The following CACNB2 variants were observed in gnomAD, a reference collection of about 807,000 sequenced individuals.
CACNB2 encodes the protein calcium voltage-gated channel auxiliary subunit beta 2.
Under a neutral mutation model 73.3 loss-of-function variants are expected in CACNB2, and 42 were observed. The observed-to-expected ratio is 0.57, with a 90% CI of 0.45 to 0.74. The LOEUF (loss-of-function observed/expected upper bound fraction) is 0.74, where lower values mean the gene tolerates loss of function less well. Among genes scored for constraint, CACNB2 ranks in the 30% least tolerant of loss-of-function variants. The pLI is 0.00. For synonymous variants in CACNB2, 348 were observed against 310.3 expected (o/e 1.12, Z -1.28); for missense variants, 940 against 853.0 (o/e 1.10, Z -1.27).
At chr10:18,500,578 G>C (rs896075997) in intron 4 of CACNB2, among the ~76,000 whole-genome samples, 1 of 152,132 alleles carries the variant, frequency 6.6e-6, no homozygotes, top group South Asian at 2.1e-4. Context: ...AATTCAGCCT[G>C]GTCCTACGGC....
intron 2 of CACNB2, among the ~76,000 whole-genome samples, chr10:18,394,315 G>A (rs1328203510): frequency 6.6e-6 from 1 of 152,134 alleles, no homozygotes; most frequent in Non-Finnish European, 1.5e-5. Flanking sequence ...CTAAAGCTTA[G>A]CAAAGACATA....
intron 3 of CACNB2, among the ~76,000 whole-genome samples, chr10:18,467,023 A>C (rs550385372): frequency 6.6e-6 from 1 of 151,998 alleles, no homozygotes; most frequent in Non-Finnish European, 1.5e-5. Context: ...GCATGGTGGC[A>C]GGTGCCTGTA....
At chr10:18,413,883 C>T (rs1233141633) in intron 3 of CACNB2, among the ~76,000 whole-genome samples, 1 of 152,248 alleles carries the variant, frequency 6.6e-6, no homozygotes, top group Non-Finnish European at 1.5e-5. Flanking sequence ...GTGATGGGCA[C>T]AGGCAACTGG....
intron 2 of CACNB2, among the ~76,000 whole-genome samples, chr10:18,248,043 A>C (rs1444077147): frequency 6.6e-6 from 1 of 152,218 alleles, no homozygotes; most frequent in African/African-American, 2.4e-5. Flanking sequence ...GCCTCTCCTA[A>C]TTCCATCACA....
At chr10:18,197,088 G>GC (rs1267911786) in intron 2 of CACNB2, among the ~76,000 whole-genome samples, 1 of 151,352 alleles carries the variant, frequency 6.6e-6, no homozygotes, top group Non-Finnish European at 1.5e-5. Context: ...ATGCCTCTTA[G>GC]CCCCCTGGGC....
intron 3 of CACNB2, among the ~76,000 whole-genome samples, chr10:18,443,032 AT>A (rs2046552074): frequency 7.4e-6 from 1 of 134,694 alleles, no homozygotes; most frequent in African/African-American, 2.7e-5. Context: ...ATATATATAT[AT>A]ATAAATAAGG....
At chr10:18,217,066 C>G (rs1329601713) in intron 2 of CACNB2, among the ~76,000 whole-genome samples, 1 of 152,150 alleles carries the variant, frequency 6.6e-6, no homozygotes, top group Non-Finnish European at 1.5e-5. Flanking sequence ...CACCTCTGCT[C>G]TAGGCAGGCA....
At chr10:18,386,684 G>A (rs906459818) in intron 2 of CACNB2, among the ~76,000 whole-genome samples, 4 of 152,122 alleles carry the variant, frequency 2.6e-5, no homozygotes, top group African/African-American at 9.7e-5. Flanking sequence ...GGGATTACAG[G>A]CGTGAGCCAC....
intron 3 of CACNB2, among the ~76,000 whole-genome samples, chr10:18,437,062 A>T (rs1251432258): frequency 6.6e-6 from 1 of 152,260 alleles, no homozygotes; most frequent in South Asian, 2.1e-4. Flanking sequence ...CATTTGACTT[A>T]AATGTTTAAA....
At chr10:18,149,506 GA>G (rs1011573023) in intron 1 of CACNB2, among the ~76,000 whole-genome samples, 25 of 152,080 alleles carry the variant, frequency 1.6e-4, no homozygotes, top group African/African-American at 5.8e-4. Flanking sequence ...ACATATATAA[GA>G]AAATTTTTTG....
rs372842753 is a variant in CACNB2 at position 18,315,730 on chromosome 10, G to A, written c.214-86194G>A. Among the ~76,000 whole-genome samples, 9 of 151,934 alleles carry A rather than the reference G, an allele frequency of 5.9e-5. No individual in the cohort carries two copies. The East Asian group carries it at 1.6e-3, about 26-fold the overall frequency. ...ACAAAATGAAACTAAAAAGAGTGGT[G>A]TGTTGGTAAATGTTTAATATTCCAC... is the stretch of plus-strand genomic sequence containing the variant. On this transcript the variant is annotated intron_variant, in intron 2 of 13. Coordinates refer to ENST00000324631, the MANE Select transcript of CACNB2 (RefSeq NM_201596.3).
At chr10:18,534,772 A>G (rs2053401334) in intron 11 of CACNB2, among the ~76,000 whole-genome samples, 1 of 152,232 alleles carries the variant, frequency 6.6e-6, no homozygotes, top group South Asian at 2.1e-4. Context: ...CTGTATACCA[A>G]AAAGTAAGGA....
At position 18,462,448 on chromosome 10, in the gene CACNB2, C is replaced by A. The variant is rs562133946; in HGVS notation, c.334-35907C>A. On this transcript the variant is annotated intron_variant, in intron 3 of 13. Coordinates refer to ENST00000324631, the MANE Select transcript of CACNB2 (RefSeq NM_201596.3). ...TTTGTATTTTTTGTAGAGATGGGGTCTTGCTATGTTGCCCAGGCTGGCCTC... is the reference window on the plus strand; with the variant it reads ...TTTGTATTTTTTGTAGAGATGGGGTATTGCTATGTTGCCCAGGCTGGCCTC... Among the ~76,000 whole-genome samples, 5 of 152,208 alleles carry A rather than the reference C, an allele frequency of 3.3e-5. No individual in the cohort carries two copies. In the South Asian group the frequency reaches 1.0e-3, roughly 32 times the overall value.
intron 3 of CACNB2, among the ~76,000 whole-genome samples, chr10:18,472,506 G>A (rs1179827864): frequency 6.6e-6 from 1 of 152,064 alleles, no homozygotes; most frequent in Admixed American, 6.5e-5. Context: ...CAAAGTGCTG[G>A]GATTACAGGC....
intron 2 of CACNB2, among the ~76,000 whole-genome samples, chr10:18,296,838 A>G (rs1381246283): frequency 6.6e-6 from 1 of 152,226 alleles, no homozygotes; most frequent in African/African-American, 2.4e-5. Flanking sequence ...TATAGTGAGA[A>G]AGTATGTGCG....
At chr10:18,462,249 G>A (rs950555492) in intron 3 of CACNB2, among the ~76,000 whole-genome samples, 2 of 152,092 alleles carry the variant, frequency 1.3e-5, no homozygotes, top group South Asian at 2.1e-4. Flanking sequence ...AAATAGGAGC[G>A]CTGGTTGGTT....
rs2041468110 is a variant in CACNB2 at position 18,346,624 on chromosome 10, T to A, written c.214-55300T>A. 2.6e-5 allele frequency among the ~76,000 whole-genome samples: 4 copies of A among 151,982 alleles called. 1 individual carries two copies. In the South Asian group the frequency reaches 8.3e-4, roughly 32 times the overall value. ...GGAGGGGAGCTCGGGGGGCACAGGG[T>A]CTCACTCTGTCGCCCAGGCTGGAGT... On this transcript the variant is annotated intron_variant, in intron 2 of 13. Transcript: ENST00000324631.
At chr10:18,448,982 C>G (rs982551582) in intron 3 of CACNB2, among the ~76,000 whole-genome samples, 16 of 152,318 alleles carry the variant, frequency 1.1e-4, no homozygotes, top group African/African-American at 3.6e-4. Flanking sequence ...CTGAAACCAT[C>G]TAGGAAGGTG....
intron 2 of CACNB2, among the ~76,000 whole-genome samples, chr10:18,368,406 C>G (rs2042442476): frequency 6.6e-6 from 1 of 152,130 alleles, no homozygotes; most frequent in Non-Finnish European, 1.5e-5. Flanking sequence ...TTCAGAATAA[C>G]ACAGAGAAAA....
Sources: allele counts gnomAD v4.1 joint callset (sites outside exome capture counted in the v4.1 genomes callset), GRCh38; gene constraint gnomAD v4.1.1; transcripts MANE v1.5; gene names NCBI Gene and HGNC (gene_info 2026-07-23, HGNC 2026-07-21).